Variants in CLCN6 observed in about 807,000 individuals in gnomAD.
CLCN6 encodes Cl-/H+ antiporter 6, also known as H(+)/Cl(-) exchange transporter 6.
Under a neutral mutation model 109.8 loss-of-function variants are expected in CLCN6, and 70 were observed. That is an observed-to-expected ratio of 0.64 (90% CI 0.53 to 0.78). The LOEUF is 0.78. CLCN6 is among the 30% of genes least tolerant of loss of function. The pLI, the probability that CLCN6 is intolerant of heterozygous loss-of-function variation, is 0.00. For synonymous variants in CLCN6, 444 were observed against 447.8 expected, an observed-to-expected ratio of 0.99 and a Z score of 0.11; for missense variants, 984 against 1,142.3, an observed-to-expected ratio of 0.86 and a Z score of 2.00.
rs1645019991 is a variant in CLCN6, at chr1:11,841,320, C to T, written c.*1097C>T. The T allele has an allele frequency of 6.5e-6, 1 of 152,680 alleles. No homozygotes were observed. Among genetic ancestry groups the T allele is most frequent in the Non-Finnish European group, 1.5e-5 (1 of 68,060 alleles). 9.5% of individuals were successfully genotyped at this position (152,680 alleles called of 1,614,324 possible). On this transcript the variant is annotated 3_prime_UTR_variant, in exon 23 of 23. Transcript: ENST00000346436. ...CCCAAGCTTACATACAGAGGCCCTTCAGGAGGGCCTCCTGTGCCGCAGGGA... is the reference window on the plus strand; with the variant it reads ...CCCAAGCTTACATACAGAGGCCCTTTAGGAGGGCCTCCTGTGCCGCAGGGA...
intron 4 of CLCN6, among the ~76,000 whole-genome samples, chr1:11,819,246 C>T (rs758814703): frequency 3.9e-5 from 6 of 152,176 alleles, no homozygotes; most frequent in African/African-American, 7.2e-5. Flanking sequence ...CTTTGTTTTC[C>T]GTTGCTTCAC....
intron 17 of CLCN6, among the ~76,000 whole-genome samples, chr1:11,835,002 A>C (rs1644926635): frequency 6.6e-6 from 1 of 152,226 alleles, no homozygotes; most frequent in Admixed American, 6.5e-5. Flanking sequence ...ATCACCTCAT[A>C]ACCCACCTGC....
chr1:11,825,233 G>A (rs931370214), intron 8 of CLCN6, among the ~76,000 whole-genome samples: 3 of 152,180 alleles, frequency 2.0e-5, no homozygotes, highest in Non-Finnish European at 2.9e-5. Context: ...GAGTTATTGT[G>A]GTTGGGAGTC....
intron 13 of CLCN6, among the ~76,000 whole-genome samples, chr1:11,831,390 T>C (rs1322862018): frequency 6.6e-6 from 1 of 151,276 alleles, no homozygotes; most frequent in Non-Finnish European, 1.5e-5. Flanking sequence ...CTCCTGACCT[T>C]GTGATCCGCC....
chr1:11,819,444 C>A (rs754090984), intron 4 of CLCN6, 44 bp from the exon 5 acceptor site: 22 of 1,568,984 alleles, frequency 1.4e-5, no homozygotes, highest in Non-Finnish European at 1.8e-5. Context: ...ACTTGTGCTA[C>A]ACTTGGAAAT....
At chr1:11,815,810 G>A (rs377184742) in intron 2 of CLCN6, 36 bp from the exon 3 acceptor site, 22 of 1,572,078 alleles carry the variant, frequency 1.4e-5, no homozygotes, top group Non-Finnish European at 1.6e-5. Context: ...CTTCTCACCT[G>A]ACATGACCTT....
chr1:11,833,246 C>G (rs188766711), intron 13 of CLCN6, among the ~76,000 whole-genome samples: 1 of 152,234 alleles, frequency 6.6e-6, no homozygotes, highest in East Asian at 1.9e-4. Flanking sequence ...GAAGCAGAAC[C>G]AAATTCACGG....
chr1:11,812,079 A>T (rs560969190), intron 2 of CLCN6, among the ~76,000 whole-genome samples: 7 of 151,902 alleles, frequency 4.6e-5, no homozygotes, highest in African/African-American at 1.7e-4. Flanking sequence ...ATGCCACTGC[A>T]CTCCATGCTG....
Position 11,837,050 on chromosome 1 carries a change from A to C in CLCN6, c.2032A>C (p.Met678Leu), listed in dbSNP as rs754151293. The C allele has an allele frequency of 4.3e-6, 7 of 1,613,182 alleles. No individual in the cohort carries two copies. Among genetic ancestry groups the C allele is most frequent in the Non-Finnish European group, 5.1e-6 (6 of 1,180,024 alleles). Residue 678 changes from methionine (M) to leucine (L), a missense_variant, in exon 19 of 23, where the codon ATG (methionine) becomes CTG (leucine). Met to Leu is a conservative substitution (Grantham distance 15). Transcript: ENST00000346436. ...CGAGCAGCGCAAACGGAGCCAGTCC[A>C]TGAAGTCCTACCCATCCAGCGAGCT... is the stretch of plus-strand genomic sequence containing the variant. The part of the protein sequence containing the change: ...AGEQRKRSQS[M>L]KSYPSSELRN...
rs552896624 is a variant in CLCN6, at chr1:11,840,619, A to G, written c.*396A>G. On this transcript the variant is annotated 3_prime_UTR_variant, in exon 23 of 23. Transcript: ENST00000346436. ...CCGGCTGTTGCCTTAAATGTGTGAG[A>G]GGGACTTGGCCAAGGCAAAAGCTGG... 3.8e-4 allele frequency: 112 copies of G among 297,684 alleles called. No individual in the cohort carries two copies. The highest frequency in any genetic ancestry group is 2.3e-3 in the African/African-American group (109 of 46,952). 18.4% of individuals were successfully genotyped at this position (297,684 alleles called of 1,614,324 possible). A position where few individuals can be genotyped will look rare whatever the true frequency, so the allele number is the denominator to read the frequency against.
chr1:11,838,499 G>A (rs780047208), intron 21 of CLCN6, 36 bp from the exon 22 acceptor site: 17 of 1,606,604 alleles, frequency 1.1e-5, no homozygotes, highest in African/African-American at 5.3e-5. Context: ...TGCCGTTGGC[G>A]TCTCAGGCAG....
chr1:11,842,883 G>A lies in CLCN6; in HGVS notation c.*2660G>A, dbSNP rs1357818663. On this transcript the variant is annotated 3_prime_UTR_variant, in exon 23 of 23. Transcript: ENST00000346436. ...AGGAAAGCCTTTCGAGAGGCCCAAG[G>A]TGGCCTCGCCAGCCCTGCAGTATTG... The A allele has an allele frequency of 6.6e-6, 1 of 152,278 alleles. No homozygotes were observed. The highest frequency in any genetic ancestry group is 1.5e-5 in the Non-Finnish European group (1 of 68,072). 9.4% of individuals were successfully genotyped at this position (152,278 alleles called of 1,614,324 possible). A position where few individuals can be genotyped will look rare whatever the true frequency, so the allele number is the denominator to read the frequency against.
intron 17 of CLCN6, 31 bp from the exon 18 acceptor site, chr1:11,835,936 T>C (rs1417065186): frequency 1.2e-6 from 2 of 1,601,310 alleles, no homozygotes; most frequent in Non-Finnish European, 1.7e-6. Flanking sequence ...GGCACTGTCA[T>C]GAGGCTGGAT....
intron 2 of CLCN6, among the ~76,000 whole-genome samples, chr1:11,814,829 G>A (rs567858363): frequency 2.0e-5 from 3 of 152,026 alleles, no homozygotes; most frequent in South Asian, 2.1e-4. Flanking sequence ...TCAGGAGATC[G>A]AGACCATCCT....
At chr1:11,812,620 A>T (rs1644613003) in intron 2 of CLCN6, among the ~76,000 whole-genome samples, 1 of 151,256 alleles carries the variant, frequency 6.6e-6, no homozygotes. Flanking sequence ...TCATTAGCAA[A>T]CAAAAGATAC....
chr1:11,814,690 A>C (rs1258480339), intron 2 of CLCN6, among the ~76,000 whole-genome samples: 1 of 152,132 alleles, frequency 6.6e-6, no homozygotes, highest in Non-Finnish European at 1.5e-5. Context: ...TCAGATGTAG[A>C]AGTTTTAGGA....
intron 6 of CLCN6, 31 bp from the exon 7 acceptor site, chr1:11,823,676 A>C: frequency 1.2e-6 from 2 of 1,613,850 alleles, no homozygotes; most frequent in Non-Finnish European, 1.7e-6. Flanking sequence ...ATGGATTTCG[A>C]GTTATGGGTG....
intron 2 of CLCN6, among the ~76,000 whole-genome samples, chr1:11,812,356 C>T (rs554117860): frequency 1.3e-5 from 2 of 152,342 alleles, no homozygotes; most frequent in South Asian, 4.1e-4. Flanking sequence ...TCTCCAGGCA[C>T]GCTACCCTCC....
At position 11,823,737 on chromosome 1, in the gene CLCN6, G is replaced by C; in HGVS notation, c.484G>C (p.Val162Leu). The change falls in exon 7 of 23, where the codon GTC becomes CTC. Residue 162 changes from valine to leucine, a missense_variant. Physicochemically the swap from Val to Leu is conservative, Grantham distance 32 (BLOSUM62 1). Transcript: ENST00000346436. ...PVAAGSGIPE[V>L]KCYLNGVKVP... ...GGCAGCAGGTTCCGGGATACCCGAG[G>C]TCAAATGCTATCTGAATGGCGTAAA... 1 of 1,614,274 alleles carries C rather than the reference G, an allele frequency of 6.2e-7. No individual in the cohort carries two copies. The highest frequency in any genetic ancestry group is 8.5e-7 in the Non-Finnish European group (1 of 1,180,050).
Sources: gnomAD v4.1 joint callset for allele counts (sites outside exome capture counted in the v4.1 genomes callset) on GRCh38, gnomAD v4.1.1 for gene constraint, MANE v1.5 for transcripts, NCBI Gene and HGNC (gene_info 2026-07-23, HGNC 2026-07-21) for gene names.